XPOT: variants seen among roughly 807,000 people sequenced by gnomAD.
The protein encoded by XPOT is exportin for tRNA.
A neutral mutation model predicts 128.2 loss-of-function variants in XPOT; 34 were observed. The ratio of observed to expected loss-of-function variants is 0.27; its 90% CI spans 0.20 to 0.35. The LOEUF is 0.35. Ranked by LOEUF, XPOT falls within the 10% of genes least tolerant of loss-of-function variation. The pLI, the probability that XPOT is intolerant of heterozygous loss-of-function variation, is 1.00. For synonymous variants in XPOT, 348 were observed against 394.3 expected (o/e 0.88, Z 1.39); for missense variants, 838 against 1,125.3 (o/e 0.74, Z 3.65).
rs1565802805 is a variant in XPOT at position 64,435,616 on chromosome 12, G to A, written c.2686-11G>A. 6.3e-7 allele frequency: 1 copy of A among 1,588,548 alleles called. No homozygotes were observed. The highest frequency in any genetic ancestry group is 1.1e-5 in the South Asian group (1 of 87,654). The stretch of plus-strand genomic sequence containing the variant: ...TGAATATATAGAAATTCTTAAACTT[G>A]TTTTTCACAGGCTTTATCTGAGTGT... On this transcript the variant is annotated splice_polypyrimidine_tract_variant and intron_variant, in intron 21 of 24. Coordinates refer to ENST00000332707, the MANE Select transcript of XPOT (RefSeq NM_007235.6).
intron 17 of XPOT, among the ~76,000 whole-genome samples, chr12:64,430,643 G>A (rs1334692011): frequency 6.6e-6 from 1 of 152,160 alleles, no homozygotes; most frequent in Non-Finnish European, 1.5e-5. Flanking sequence ...TTTCTCTTCA[G>A]TTGTATTGTG....
intron 22 of XPOT, among the ~76,000 whole-genome samples, chr12:64,436,076 C>T (rs1033325776): frequency 8.6e-5 from 13 of 152,026 alleles, no homozygotes; most frequent in Non-Finnish European, 1.6e-4. Flanking sequence ...CCTGCCTCAG[C>T]CTCCTGAGTA....
At chr12:64,413,197 GTC>G (rs891765268) in intron 2 of XPOT, among the ~76,000 whole-genome samples, 1 of 152,182 alleles carries the variant, frequency 6.6e-6, no homozygotes, top group Admixed American at 6.5e-5. Flanking sequence ...TGACCCCGAA[GTC>G]TCTAGTGATC....
chr12:64,416,609 T>C, intron 3 of XPOT, 89 bp from the exon 4 acceptor site: 1 of 1,027,760 alleles, frequency 9.7e-7, no homozygotes, highest in Non-Finnish European at 1.5e-6. Context: ...GAGAAACTTT[T>C]CTGCTGTATT....
At chr12:64,410,879 T>C (rs902679620) in intron 2 of XPOT, among the ~76,000 whole-genome samples, 1 of 152,108 alleles carries the variant, frequency 6.6e-6, no homozygotes, top group African/African-American at 2.4e-5. Flanking sequence ...AACTATAGGG[T>C]AAGTGGAAAG....
At chr12:64,435,567 A>C in intron 21 of XPOT, 60 bp from the exon 22 acceptor site, 1 of 1,431,800 alleles carries the variant, frequency 7.0e-7, no homozygotes, top group Non-Finnish European at 9.4e-7. Context: ...AGTAAAGAGA[A>C]GAGCTGGATC....
chr12:64,431,100 C>T (rs1485788365), intron 17 of XPOT, among the ~76,000 whole-genome samples: 2 of 152,100 alleles, frequency 1.3e-5, no homozygotes, highest in African/African-American at 4.8e-5. Context: ...TGTGCTACCA[C>T]ACCCAGCTAA....
intron 3 of XPOT, 49 bp downstream of exon 3, chr12:64,415,038 A>G (rs771722448): frequency 1.7e-6 from 2 of 1,152,248 alleles, no homozygotes; most frequent in Admixed American, 3.9e-5. Flanking sequence ...TGTGGACATG[A>G]CAGGACTGTG....
In XPOT at chr12:64,450,095, A is replaced by ATATC. The variant is rs1310608861; in HGVS notation, c.*1964_*1965insTATC. 1 of 152,200 alleles carries ATATC rather than the reference A, an allele frequency of 6.6e-6. No homozygotes were observed. Among genetic ancestry groups the ATATC allele is most frequent in the Non-Finnish European group, 1.5e-5 (1 of 68,030 alleles). The allele number at this position is 152,200 out of a possible 1,614,324, so 9.4% of individuals were successfully genotyped here. On this transcript the variant is annotated 3_prime_UTR_variant, in exon 25 of 25. Coordinates refer to ENST00000332707, the MANE Select transcript of XPOT (RefSeq NM_007235.6). The stretch of plus-strand genomic sequence containing the variant: ...AGCTGGCACATAAAGACTTGATAGT[A>ATATC]GTTTATATGGATGCTATCTCATATT...
At chr12:64,428,003 T>G (rs1592334067) in intron 15 of XPOT, 48 bp from the exon 16 acceptor site, 1 of 1,276,508 alleles carries the variant, frequency 7.8e-7, no homozygotes, top group Non-Finnish European at 1.1e-6. Flanking sequence ...ATTTTAGCAC[T>G]GTTTTGAGCA....
At chr12:64,420,659 T>C in intron 8 of XPOT, 138 bp downstream of exon 8, 3 of 650,314 alleles carry the variant, frequency 4.6e-6, no homozygotes, top group Non-Finnish European at 5.0e-6. Flanking sequence ...AACCACTGCA[T>C]CTAGCCAAAA....
At chr12:64,439,412 T>C in intron 23 of XPOT, 97 bp downstream of exon 23, 1 of 1,129,046 alleles carries the variant, frequency 8.9e-7, no homozygotes, top group South Asian at 1.3e-5. Flanking sequence ...AATATTTTCA[T>C]ATTACATAAG....
Position 64,424,712 on chromosome 12 carries a change from T to C in XPOT, c.1296T>C (p.Ser432=). ...LLLASVRRVF[S]STLQNWQTTR... ...TGGCCTCTGTTCGCAGAGTTTTTAG[T>C]TCTACACTGCAGTAAGTTTGTCATT... The change falls in exon 12 of 25, where the codon AGT becomes AGC. Residue 432 remains serine (S), a synonymous_variant. Coordinates refer to ENST00000332707, the MANE Select transcript of XPOT (RefSeq NM_007235.6). 1.2e-6 allele frequency: 2 copies of C among 1,613,758 alleles called. No homozygotes were observed. The highest frequency in any genetic ancestry group is 1.7e-6 in the Non-Finnish European group (2 of 1,179,978).
At chr12:64,406,721 G>A (rs565100057) in intron 1 of XPOT, among the ~76,000 whole-genome samples, 6 of 151,956 alleles carry the variant, frequency 3.9e-5, no homozygotes, top group Non-Finnish European at 8.8e-5. Context: ...AGCTTTTATT[G>A]GACTTCTCAA....
At chr12:64,408,625 A>G (rs1036387309) in intron 1 of XPOT, among the ~76,000 whole-genome samples, 3 of 152,160 alleles carry the variant, frequency 2.0e-5, no homozygotes, top group Admixed American at 6.5e-5. Flanking sequence ...ATTAAAAAAA[A>G]TCCTTAAATA....
At chr12:64,423,302 T>A in intron 11 of XPOT, 58 bp downstream of exon 11, 1 of 1,158,312 alleles carries the variant, frequency 8.6e-7, no homozygotes, top group Non-Finnish European at 1.2e-6. Context: ...TATATCAAAT[T>A]AATATTTCAA....
chr12:64,419,164 AAG>A, intron 6 of XPOT, 70 bp downstream of exon 6: 1 of 1,249,898 alleles, frequency 8.0e-7, no homozygotes, highest in Non-Finnish European at 1.1e-6. Flanking sequence ...ACATAATAAA[AAG>A]AGCAGGGAAG....
At chr12:64,419,166 G>A (rs2040115974) in intron 6 of XPOT, 72 bp downstream of exon 6, 2 of 1,248,834 alleles carry the variant, frequency 1.6e-6, no homozygotes, top group East Asian at 4.8e-5. Flanking sequence ...ATAATAAAAA[G>A]AGCAGGGAAG....
At chr12:64,443,515 T>A (rs1366671629) in intron 23 of XPOT, among the ~76,000 whole-genome samples, 5 of 151,954 alleles carry the variant, frequency 3.3e-5, no homozygotes, top group Non-Finnish European at 7.4e-5. Context: ...TGTGCAGTGG[T>A]GCGATCTTGG....
Sources: allele counts gnomAD v4.1 joint callset (sites outside exome capture counted in the v4.1 genomes callset), GRCh38; gene constraint gnomAD v4.1.1; transcripts MANE v1.5; gene names NCBI Gene and HGNC (gene_info 2026-07-23, HGNC 2026-07-21).